TNRC6A: variants seen among roughly 807,000 people sequenced by gnomAD.
TNRC6A encodes the protein trinucleotide repeat-containing gene 6A protein.
In TNRC6A, 44 loss-of-function variants were observed where a neutral mutation model predicts 221.2. The ratio of observed to expected loss-of-function variants is 0.20; its 90% CI spans 0.16 to 0.26. The LOEUF (loss-of-function observed/expected upper bound fraction) is 0.26. TNRC6A is among the 10% of genes least tolerant of loss of function. The pLI, the probability that TNRC6A is intolerant of heterozygous loss-of-function variation, is 1.00. For missense variants in TNRC6A, 2,199 were observed against 2,404.4 expected (o/e 0.91, Z 1.79); for synonymous variants, 847 against 838.5 (o/e 1.01, Z -0.18).
intron 2 of TNRC6A, among the ~76,000 whole-genome samples, chr16:24,686,654 T>C (rs780298030): frequency 1.3e-5 from 2 of 152,182 alleles, no homozygotes; most frequent in Admixed American, 6.6e-5. Context: ...AAGCAGAGAA[T>C]AGATCTGGTC....
chr16:24,630,452 C>T (rs1901274191), intron 1 of TNRC6A, among the ~76,000 whole-genome samples: 1 of 152,208 alleles, frequency 6.6e-6, no homozygotes, highest in African/African-American at 2.4e-5. Context: ...TCATTTGAAG[C>T]CAGGAGTTAG....
At chr16:24,787,596 C>G (rs935916627) in intron 5 of TNRC6A, among the ~76,000 whole-genome samples, 1 of 152,122 alleles carries the variant, frequency 6.6e-6, no homozygotes, top group Non-Finnish European at 1.5e-5. Flanking sequence ...TCCTTATGGG[C>G]ACTGAAAGAT....
Position 24,794,436 on chromosome 16 carries a change from G to A in TNRC6A, c.3353-108G>A, listed in dbSNP as rs571160978. The A allele has an allele frequency of 1.3e-5, 15 of 1,124,154 alleles. 2 individuals are homozygous for A. Among genetic ancestry groups the A allele is most frequent in the South Asian group, 3.5e-5 (2 of 57,828 alleles). 69.6% of individuals were successfully genotyped at this position (1,124,154 alleles called of 1,614,324 possible). A position where few individuals can be genotyped will look rare whatever the true frequency, so the allele number is the denominator to read the frequency against. On this transcript the variant is annotated intron_variant, in intron 7 of 24. Coordinates refer to ENST00000395799, the MANE Select transcript of TNRC6A (RefSeq NM_014494.4). ...TGCAGGAAGGGAAATAAGTGTGCAC[G>A]TGTGTGTTTTCTTAGGTTCTCTACC...
At chr16:24,663,927 C>A (rs1335278573) in intron 2 of TNRC6A, 2 of 456,674 alleles carry the variant, frequency 4.4e-6, no homozygotes, top group Non-Finnish European at 8.8e-6. Flanking sequence ...TAGCAGTTAT[C>A]CTGCAGGAAC....
rs1164552340 is a variant in TNRC6A at position 24,790,941 on chromosome 16, A to G, written c.2299A>G (p.Ile767Val). ...ATQTFNSGAC[I>V]DKTSPNGNDT... ...ACAGACTTTTAACTCAGGGGCATGT[A>G]TAGATAAGACTAGCCCTAATGGTAA... Residue 767 changes from isoleucine to valine, a missense_variant, in exon 6 of 25, where the codon ATA (isoleucine) becomes GTA (valine). Around this residue, in one of 8 missense-constraint regions of TNRC6A, gnomAD observed 1,405 missense variants for 1,400.2 expected, o/e 1.00. Transcript: ENST00000395799. 2.5e-6 allele frequency: 4 copies of G among 1,613,468 alleles called. No individual in the cohort carries two copies. The highest frequency in any genetic ancestry group is 3.3e-5 in the Admixed American group (2 of 59,986).
rs764858647 is a variant in TNRC6A, at chr16:24,816,854, A to G, written c.4870A>G (p.Ile1624Val). Residue 1624 changes from isoleucine to valine, a missense_variant, in exon 20 of 25, where the codon ATT becomes GTT. Around this residue, in one of 8 missense-constraint regions of TNRC6A, gnomAD observed 449 missense variants for 579.7 expected, o/e 0.77. Transcript: ENST00000395799. ...TGAGCCATGGAAAGGTTATCCAAACATTGACCCTGAAACTGACCCTTACGT... is the reference window on the plus strand; with the variant it reads ...TGAGCCATGGAAAGGTTATCCAAACGTTGACCCTGAAACTGACCCTTACGT... ...PGEPWKGYPN[I>V]DPETDPYVTP... 1.9e-6 allele frequency: 3 copies of G among 1,613,904 alleles called. No homozygotes were observed. The highest frequency in any genetic ancestry group is 1.7e-5 in the Admixed American group (1 of 59,924).
intron 2 of TNRC6A, among the ~76,000 whole-genome samples, chr16:24,660,362 G>A (rs1017097456): frequency 5.3e-5 from 8 of 152,032 alleles, no homozygotes; most frequent in African/African-American, 1.7e-4. Flanking sequence ...ACTTCACTTC[G>A]ACTAATAGTC....
At position 24,781,006 on chromosome 16, in the gene TNRC6A, C is replaced by G. The variant is rs908008037; in HGVS notation, c.589+3648C>G. ...TGGACGATAAACAAACTCAGATCTT[C>G]TCTATCCTTAAAAAAATTTTCTTAA... On this transcript the variant is annotated intron_variant, in intron 5 of 24. Coordinates refer to ENST00000395799, the MANE Select transcript of TNRC6A (RefSeq NM_014494.4). Among the ~76,000 whole-genome samples the G allele has an allele frequency of 3.6e-5, 5 of 138,012 alleles. No homozygotes were observed. The East Asian group carries it at 1.2e-3, about 32-fold the overall frequency. 90.5% of individuals were successfully genotyped at this position (138,012 alleles called of 152,430 possible). A position where few individuals can be genotyped will look rare whatever the true frequency, so the allele number is the denominator to read the frequency against.
At chr16:24,641,010 G>A (rs1276143713) in intron 2 of TNRC6A, 1 of 152,204 alleles carries the variant, frequency 6.6e-6, no homozygotes, top group Non-Finnish European at 1.5e-5. Flanking sequence ...AATGGAACAG[G>A]TAGTATCACT....
chr16:24,674,694 C>CCACACACA (rs3219528), intron 2 of TNRC6A, among the ~76,000 whole-genome samples: 45 of 146,270 alleles, frequency 3.1e-4, no homozygotes, highest in East Asian at 8.0e-4. Context: ...ACTGCCCCCA[C>CCACACACA]CACACACACA....
intron 2 of TNRC6A, among the ~76,000 whole-genome samples, chr16:24,717,341 C>T (rs576904462): frequency 6.6e-6 from 1 of 152,238 alleles, no homozygotes; most frequent in East Asian, 1.9e-4. Context: ...AGCATTTCTC[C>T]AATTCTCCAA....
intron 1 of TNRC6A, among the ~76,000 whole-genome samples, chr16:24,622,105 T>TC (rs5816257): frequency 0.091 from 13,830 of 152,166 alleles, 809 homozygotes; most frequent in Non-Finnish European, 0.13. Context: ...CAGTGTTTTT[T>TC]CCCGAACCAA....
chr16:24,670,220 G>A (rs1436807345), intron 2 of TNRC6A, among the ~76,000 whole-genome samples: 1 of 152,030 alleles, frequency 6.6e-6, no homozygotes, highest in Admixed American at 6.6e-5. Flanking sequence ...AAAGTGCTGG[G>A]ATTACAGGCG....
intron 23 of TNRC6A, among the ~76,000 whole-genome samples, chr16:24,822,570 C>T (rs1477499849): frequency 6.6e-6 from 1 of 152,184 alleles, no homozygotes; most frequent in Non-Finnish European, 1.5e-5. Context: ...TCCCTCCTCC[C>T]TCAGGGAGCA....
chr16:24,697,695 A>G (rs11867120), intron 2 of TNRC6A, among the ~76,000 whole-genome samples: 4,402 of 152,002 alleles, frequency 0.029, 230 homozygotes, highest in African/African-American at 0.1. Flanking sequence ...AAAAACAAGT[A>G]AAAATATGGT....
intron 2 of TNRC6A, among the ~76,000 whole-genome samples, chr16:24,737,784 A>T (rs1481437394): frequency 6.6e-6 from 1 of 152,174 alleles, no homozygotes; most frequent in Non-Finnish European, 1.5e-5. Context: ...TAGAGTTATG[A>T]CGTCTGTGTT....
At chr16:24,638,715 AAAAAAAC>A (rs922180045) in intron 1 of TNRC6A, among the ~76,000 whole-genome samples, 10 of 152,106 alleles carry the variant, frequency 6.6e-5, no homozygotes, top group African/African-American at 1.4e-4. Flanking sequence ...TGTCTCAAAA[AAAAAAAC>A]AAAAAACAAA....
At chr16:24,764,556 C>A (rs1166811749) in intron 4 of TNRC6A, among the ~76,000 whole-genome samples, 1 of 152,038 alleles carries the variant, frequency 6.6e-6, no homozygotes, top group Non-Finnish European at 1.5e-5. Flanking sequence ...CTCCTGACCT[C>A]AAATGATCCG....
At chr16:24,636,070 G>A (rs1340281282) in intron 1 of TNRC6A, among the ~76,000 whole-genome samples, 1 of 152,200 alleles carries the variant, frequency 6.6e-6, no homozygotes, top group Non-Finnish European at 1.5e-5. Context: ...CAATGGCAGG[G>A]TGCCAGCAAA....
Sources: allele counts gnomAD v4.1 joint callset (sites outside exome capture counted in the v4.1 genomes callset), GRCh38; gene constraint gnomAD v4.1.1; regional missense constraint gnomAD v4.1.1; transcripts MANE v1.5; gene names NCBI Gene and HGNC (gene_info 2026-07-23, HGNC 2026-07-21).